Variants in FHIT observed in about 807,000 individuals in gnomAD.
FHIT encodes fragile histidine triad diadenosine triphosphatase, also known as bis(5'-adenosyl)-triphosphatase.
Under a neutral mutation model 17.9 loss-of-function variants are expected in FHIT, and 19 were observed. The observed-to-expected ratio is 1.06, with a 90% CI of 0.74 to 1.56. FHIT has a LOEUF of 1.56. Among genes scored for constraint, FHIT ranks in the 40% most tolerant of loss-of-function variants. The probability of loss-of-function intolerance (pLI) is 0.00; values close to 1 mark genes in which losing one functional copy is unlikely to be tolerated. For missense variants in FHIT, 248 were observed against 189.2 expected (o/e 1.31, Z -1.82); for synonymous variants, 81 against 69.7 (o/e 1.16, Z -0.81).
At chr3:60,821,850 T>G (rs1701940814) in intron 4 of FHIT, 69 bp downstream of exon 4, 1 of 152,096 alleles carries the variant, frequency 6.6e-6, no homozygotes, top group South Asian at 2.1e-4. Flanking sequence ...ACTACTATTA[T>G]AAGGATACTC....
chr3:59,897,332 C>G (rs1384984083), intron 8 of FHIT, among the ~76,000 whole-genome samples: 1 of 152,220 alleles, frequency 6.6e-6, no homozygotes, highest in Non-Finnish European at 1.5e-5. Context: ...CTGCAAACTC[C>G]TGCTCGTCCT....
At chr3:60,556,576 C>A (rs560407055) in intron 4 of FHIT, among the ~76,000 whole-genome samples, 3 of 152,328 alleles carry the variant, frequency 2.0e-5, no homozygotes, top group African/African-American at 7.2e-5. Flanking sequence ...GAAAACAAAA[C>A]CCACAGAAGT....
intron 8 of FHIT, among the ~76,000 whole-genome samples, chr3:59,834,516 T>C (rs576749573): frequency 6.6e-6 from 1 of 152,352 alleles, no homozygotes; most frequent in African/African-American, 2.4e-5. Flanking sequence ...CTCACACTTC[T>C]GGAGGCTAGA....
intron 4 of FHIT, among the ~76,000 whole-genome samples, chr3:60,647,439 T>A (rs1242282340): frequency 6.6e-6 from 1 of 152,018 alleles, no homozygotes; most frequent in Non-Finnish European, 1.5e-5. Context: ...TTTAGAGAGG[T>A]GAAGGGACCT....
chr3:60,669,469 G>A (rs12630435), intron 4 of FHIT, among the ~76,000 whole-genome samples: 34,709 of 151,930 alleles, frequency 0.23, 4,799 homozygotes, highest in East Asian at 0.7. Context: ...GCCATTACCC[G>A]CTTCTAGCTT....
At chr3:59,948,273 C>T (rs569680501) in intron 7 of FHIT, among the ~76,000 whole-genome samples, 18 of 149,708 alleles carry the variant, frequency 1.2e-4, no homozygotes, top group African/African-American at 2.7e-4. Context: ...GGGAGGCCAA[C>T]GTGGGTAGAT....
intron 3 of FHIT, among the ~76,000 whole-genome samples, chr3:60,931,576 G>C (rs1476812874): frequency 6.9e-6 from 1 of 144,152 alleles, no homozygotes; most frequent in Non-Finnish European, 1.6e-5. Flanking sequence ...AATCGCCTCA[G>C]AAGCTTCCGG....
chr3:60,164,118 T>C (rs1455008743), intron 5 of FHIT, among the ~76,000 whole-genome samples: 1 of 152,158 alleles, frequency 6.6e-6, no homozygotes, highest in Non-Finnish European at 1.5e-5. Context: ...CTTAAGTAGG[T>C]AGCTAGTGGA....
intron 3 of FHIT, among the ~76,000 whole-genome samples, chr3:61,026,646 AC>A (rs1011523234): frequency 2.2e-5 from 3 of 137,266 alleles, no homozygotes; most frequent in Admixed American, 2.1e-4. Context: ...ACATTATGAG[AC>A]CTTTTTTTTG....
chr3:60,042,120 G>C (rs1701465887), intron 5 of FHIT, among the ~76,000 whole-genome samples: 1 of 152,214 alleles, frequency 6.6e-6, no homozygotes. Context: ...ATCTCTTGCA[G>C]ATGGCTGGAA....
intron 5 of FHIT, among the ~76,000 whole-genome samples, chr3:60,444,329 C>T (rs2031160415): frequency 6.6e-6 from 1 of 152,130 alleles, no homozygotes; most frequent in Non-Finnish European, 1.5e-5. Context: ...TTTGACCCAG[C>T]CATCCCATTA....
At chr3:60,263,946 A>G (rs925610949) in intron 5 of FHIT, among the ~76,000 whole-genome samples, 13 of 151,546 alleles carry the variant, frequency 8.6e-5, no homozygotes, top group African/African-American at 2.9e-4. Context: ...AAGATTTTAG[A>G]TTTACGTTGA....
intron 3 of FHIT, among the ~76,000 whole-genome samples, chr3:61,038,125 T>A (rs1048629438): frequency 6.6e-6 from 1 of 152,060 alleles, no homozygotes; most frequent in Non-Finnish European, 1.5e-5. Flanking sequence ...ACATGAAAAA[T>A]TAATATGGAA....
Position 60,019,010 on chromosome 3 carries a change from T to C in FHIT, c.104-4858A>G, listed in dbSNP as rs530946126. On this transcript the variant is annotated intron_variant, in intron 5 of 9. Transcript: ENST00000492590. ...CAACAACAACAACAACAAACCAACATTGATAGGTTTTACTACCATAAGTCT... is the reference window on the plus strand; with the variant it reads ...CAACAACAACAACAACAAACCAACACTGATAGGTTTTACTACCATAAGTCT... Among the ~76,000 whole-genome samples, 7 of 152,096 alleles carry C rather than the reference T, an allele frequency of 4.6e-5. No homozygotes were observed. In the East Asian group the frequency reaches 5.8e-4, roughly 13 times the overall value.
chr3:60,879,525 T>C (rs1553757397), intron 3 of FHIT, among the ~76,000 whole-genome samples: 3 of 152,146 alleles, frequency 2.0e-5, no homozygotes, highest in African/African-American at 7.2e-5. Flanking sequence ...CAAAGAAATA[T>C]GTCAATGCCA....
intron 5 of FHIT, among the ~76,000 whole-genome samples, chr3:60,345,200 G>T (rs1402602401): frequency 1.3e-5 from 2 of 152,178 alleles, no homozygotes; most frequent in African/African-American, 4.8e-5. Flanking sequence ...GGGACATCCA[G>T]TACGTGTCCA....
intron 8 of FHIT, among the ~76,000 whole-genome samples, chr3:59,878,360 G>T (rs560856421): frequency 6.6e-6 from 1 of 152,144 alleles, no homozygotes; most frequent in East Asian, 1.9e-4. Flanking sequence ...CCATCTTCCC[G>T]CCTCAAGTGT....
intron 2 of FHIT, among the ~76,000 whole-genome samples, chr3:61,113,820 C>G (rs2036226752): frequency 6.6e-6 from 1 of 152,110 alleles, no homozygotes; most frequent in Admixed American, 6.6e-5. Context: ...GAAGAAACAT[C>G]CCTGGGTTGC....
At chr3:61,242,964 C>T (rs1009296404) in intron 1 of FHIT, among the ~76,000 whole-genome samples, 1 of 152,142 alleles carries the variant, frequency 6.6e-6, no homozygotes, top group East Asian at 1.9e-4. Context: ...CCTCTAGTTG[C>T]ATGACTCCTA....
Sources: allele counts gnomAD v4.1 joint callset (sites outside exome capture counted in the v4.1 genomes callset), GRCh38; gene constraint gnomAD v4.1.1; transcripts MANE v1.5; gene names NCBI Gene and HGNC (gene_info 2026-07-23, HGNC 2026-07-21).